The following IFT140 variants were observed in gnomAD, a reference collection of about 807,000 sequenced individuals.
IFT140 encodes the protein intraflagellar transport protein 140 homolog.
Under a neutral mutation model 164.6 loss-of-function variants are expected in IFT140, and 133 were observed. The observed-to-expected ratio is 0.81, with a 90% CI of 0.70 to 0.93. The LOEUF is 0.93. Ranked by LOEUF, IFT140 falls within the 40% of genes least tolerant of loss-of-function variation. The pLI, the probability that IFT140 is intolerant of heterozygous loss-of-function variation, is 0.00. For missense variants in IFT140, 2,045 were observed against 1,972.3 expected (o/e 1.04, Z -0.70); for synonymous variants, 860 against 817.3 (o/e 1.05, Z -0.89).
At chr16:1,579,598 ACT>A (rs1185860371) in intron 13 of IFT140, 1 of 152,156 alleles carries the variant, frequency 6.6e-6, no homozygotes, top group African/African-American at 2.4e-5. Flanking sequence ...AAATCAACAC[ACT>A]GTGTCTGCCC....
intron 4 of IFT140, among the ~76,000 whole-genome samples, chr16:1,600,394 T>C (rs953048476): frequency 1.4e-4 from 21 of 145,150 alleles, no homozygotes; most frequent in Non-Finnish European, 2.6e-4. Flanking sequence ...CCCTCCACTA[T>C]TGTCCCATGA....
rs756440886 is a variant in IFT140 at position 1,602,409 on chromosome 16, A to G, written c.330T>C (p.Arg110=). ...GCAGGCAGTTTCCACTGGGGCTCCAACGGAGCACGGTGATGTCGGCTGTGT... is the reference window on the plus strand; with the variant it reads ...GCAGGCAGTTTCCACTGGGGCTCCAGCGGAGCACGGTGATGTCGGCTGTGT... ...LTHTADITVL[R]WSPSGNCLLS... The change falls in exon 4 of 31, where the codon CGT becomes CGC. Residue 110 remains arginine (R), a synonymous_variant. Transcript: ENST00000426508. 1.9e-5 allele frequency: 30 copies of G among 1,614,200 alleles called. No individual in the cohort carries two copies. The highest frequency in any genetic ancestry group is 2.5e-5 in the Non-Finnish European group (29 of 1,180,030).
intron 19 of IFT140, among the ~76,000 whole-genome samples, chr16:1,542,869 G>C (rs1171542368): frequency 1.3e-5 from 2 of 152,258 alleles, no homozygotes; most frequent in African/African-American, 2.4e-5. Context: ...CCAGCAACCT[G>C]GGACAGGTCT....
Position 1,557,797 on chromosome 16 carries a change from G to A in IFT140, c.2399+138C>T, listed in dbSNP as rs1454608705. 3.6e-6 allele frequency: 3 copies of A among 843,450 alleles called. No homozygotes were observed. In the East Asian group the frequency reaches 7.3e-5, roughly 21 times the overall value. The allele number at this position is 843,450 out of a possible 1,614,324, so 52.2% of individuals were successfully genotyped here. A position where few individuals can be genotyped will look rare whatever the true frequency, so the allele number is the denominator to read the frequency against. On this transcript the variant is annotated intron_variant, in intron 19 of 30. Transcript: ENST00000426508. ...AGCTGGGCAGCATTTCATCGAGTGG[G>A]AAGACCATGAAATACACCATGACGC...
At chr16:1,528,146 C>T (rs990710316) in intron 19 of IFT140, among the ~76,000 whole-genome samples, 1 of 152,134 alleles carries the variant, frequency 6.6e-6, no homozygotes, top group Admixed American at 6.5e-5. Flanking sequence ...TGGCCTGCGG[C>T]TTCAGCCCTG....
chr16:1,563,772 G>T (rs1026474320), intron 17 of IFT140, among the ~76,000 whole-genome samples: 1 of 152,130 alleles, frequency 6.6e-6, no homozygotes, highest in African/African-American at 2.4e-5. Flanking sequence ...ATGCTAGGAA[G>T]ATTTTTTTTA....
At chr16:1,576,425 A>G (rs1567392001) in intron 13 of IFT140, among the ~76,000 whole-genome samples, 3 of 150,876 alleles carry the variant, frequency 2.0e-5, no homozygotes, top group African/African-American at 7.3e-5. Context: ...CCCTGTCTCT[A>G]CTAAAAATAC....
At chr16:1,586,669 C>T (rs895478553) in intron 9 of IFT140, among the ~76,000 whole-genome samples, 2 of 152,178 alleles carry the variant, frequency 1.3e-5, no homozygotes, top group East Asian at 1.9e-4. Context: ...CTGTCCTTCC[C>T]GTGGCATTTC....
At chr16:1,520,895 C>G in intron 26 of IFT140, 87 bp from the exon 27 acceptor site, 2 of 1,297,568 alleles carry the variant, frequency 1.5e-6, no homozygotes, top group South Asian at 2.7e-5. Context: ...CAGAGGAAAC[C>G]AGGCCCCTCG....
Position 1,588,016 on chromosome 16 carries a change from C to A in IFT140, c.819G>T (p.Leu273=). ...CTGCCCGGCGGCCGGTTTTCCCGCTCAGCTTGACCTGTGTGAGGAAACAAC... is the reference window on the plus strand; with the variant it reads ...CTGCCCGGCGGCCGGTTTTCCCGCTAAGCTTGACCTGTGTGAGGAAACAAC... ...GKAEEVMKVK[L]SGKTGRRADI... The change falls in exon 8 of 31, where the codon CTG becomes CTT. Residue 273 remains leucine, a synonymous_variant. Transcript: ENST00000426508. 1 of 1,613,690 alleles carries A rather than the reference C, an allele frequency of 6.2e-7. No homozygotes were observed. Among genetic ancestry groups the A allele is most frequent in the South Asian group, 1.1e-5 (1 of 90,972 alleles).
chr16:1,519,955 G>A lies in IFT140; in HGVS notation c.3966C>T (p.Pro1322=), dbSNP rs181794285. 1.9e-5 allele frequency: 30 copies of A among 1,606,670 alleles called. No individual in the cohort carries two copies. In the Admixed American group the frequency reaches 4.8e-4, roughly 26 times the overall value. Residue 1322 remains proline (P), a synonymous_variant, in exon 29 of 31, where the codon CCC becomes CCT. Coordinates refer to ENST00000426508, the MANE Select transcript of IFT140 (RefSeq NM_014714.4). The part of the protein sequence containing the change: ...KCLAKAKAKS[P]LDQETRLAQL... Reference sequence around the variant, plus strand: ...GCGCCAGCCTGGTCTCCTGGTCCAGGGGGCTCTTGGCCTTGGCCTTGGCCA... The same window carrying A: ...GCGCCAGCCTGGTCTCCTGGTCCAGAGGGCTCTTGGCCTTGGCCTTGGCCA...
chr16:1,541,047 G>A (rs1327700156), intron 19 of IFT140: 2 of 985,296 alleles, frequency 2.0e-6, no homozygotes, highest in African/African-American at 3.5e-5. Flanking sequence ...AACGTGACGA[G>A]CCCTGGTCCC....
chr16:1,539,940 C>T (rs766428861), intron 19 of IFT140, among the ~76,000 whole-genome samples: 43 of 152,312 alleles, frequency 2.8e-4, no homozygotes, highest in African/African-American at 8.4e-4. Flanking sequence ...GGGCTGGGGG[C>T]GCCACCCAGG....
At chr16:1,570,907 C>T (rs1202890318) in intron 14 of IFT140, among the ~76,000 whole-genome samples, 1 of 152,136 alleles carries the variant, frequency 6.6e-6, no homozygotes, top group Non-Finnish European at 1.5e-5. Context: ...AGGTACGTGC[C>T]ACCATGCCCA....
chr16:1,580,023 TGCGGGAGAC>T, intron 13 of IFT140, among the ~76,000 whole-genome samples: 1 of 149,682 alleles, frequency 6.7e-6, no homozygotes, highest in African/African-American at 2.5e-5. Flanking sequence ...ACAAGACACA[TGCGGGAGAC>T]AGCCTGGCTA....
intron 2 of IFT140, among the ~76,000 whole-genome samples, chr16:1,608,587 C>T (rs912218755): frequency 6.9e-6 from 1 of 144,680 alleles, no homozygotes; most frequent in Non-Finnish European, 1.5e-5. Context: ...AAGCTGAGAT[C>T]GCGCCACTGT....
intron 4 of IFT140, among the ~76,000 whole-genome samples, chr16:1,594,813 A>T (rs2035369744): frequency 6.6e-6 from 1 of 152,218 alleles, no homozygotes; most frequent in Non-Finnish European, 1.5e-5. Flanking sequence ...TCTTCCGCTC[A>T]GACGCCAAGC....
intron 30 of IFT140, among the ~76,000 whole-genome samples, chr16:1,512,668 A>G (rs2040208190): frequency 6.6e-6 from 1 of 152,188 alleles, no homozygotes; most frequent in Admixed American, 6.5e-5. Context: ...CCGTTGGAGC[A>G]GGGCGCGGTG....
chr16:1,530,532 G>C (rs527629309), intron 19 of IFT140, among the ~76,000 whole-genome samples: 1 of 152,208 alleles, frequency 6.6e-6, no homozygotes. Flanking sequence ...CCTGCCCCGC[G>C]TGGCTCCTTT....
Sources: allele counts gnomAD v4.1 joint callset (sites outside exome capture counted in the v4.1 genomes callset), GRCh38; gene constraint gnomAD v4.1.1; transcripts MANE v1.5; gene names NCBI Gene and HGNC (gene_info 2026-07-23, HGNC 2026-07-21).